The following LURAP1 variants were observed in gnomAD, a reference collection of about 807,000 sequenced individuals.
LURAP1 encodes the protein leucine rich adaptor protein 1, also known as NF-kappa-B activator C1orf190.
In LURAP1, 14 loss-of-function variants were observed where a neutral mutation model predicts 19.0. The ratio of observed to expected loss-of-function variants is 0.74; its 90% CI spans 0.49 to 1.15. LURAP1 has a LOEUF of 1.15. Ranked by LOEUF, LURAP1 falls within the 50% of genes most tolerant of loss-of-function variation. The pLI, the probability that LURAP1 is intolerant of heterozygous loss-of-function variation, is 0.00. For missense variants in LURAP1, 273 were observed against 309.1 expected, an observed-to-expected ratio of 0.88 and a Z score of 0.87; for synonymous variants, 129 against 131.8, an observed-to-expected ratio of 0.98 and a Z score of 0.14.
rs1329059487 is a variant in LURAP1, at chr1:46,219,416, G to A, written c.199-283G>A. Among the ~76,000 whole-genome samples, 5 of 152,084 alleles carry A rather than the reference G, an allele frequency of 3.3e-5. No individual in the cohort carries two copies. The East Asian group carries it at 9.6e-4, about 29-fold the overall frequency. Reference sequence around the variant, plus strand: ...TAGGCACTGTGCTGAGTACTTAATAGACAGCATTTCAGAATCCTCACAGCT... The same window carrying A: ...TAGGCACTGTGCTGAGTACTTAATAAACAGCATTTCAGAATCCTCACAGCT... On this transcript the variant is annotated intron_variant, in intron 1 of 1. Coordinates refer to ENST00000371980, the MANE Select transcript of LURAP1 (RefSeq NM_001013615.3).
In LURAP1 at chr1:46,220,478, A is replaced by G. The variant is rs1659205404; in HGVS notation, c.*258A>G. On this transcript the variant is annotated 3_prime_UTR_variant, in exon 2 of 2. Transcript: ENST00000371980. The stretch of plus-strand genomic sequence containing the variant: ...AGGGTCTTATGCTGTTACCCAAGAT[A>G]GAGAGCAGTGGCATGATCACAGCTC... The G allele has an allele frequency of 7.2e-6, 3 of 414,120 alleles. No homozygotes were observed. In the South Asian group the frequency reaches 1.1e-4, roughly 15 times the overall value. 25.7% of individuals were successfully genotyped at this position (414,120 alleles called of 1,614,324 possible). A position where few individuals can be genotyped will look rare whatever the true frequency, so the allele number is the denominator to read the frequency against.
intron 1 of LURAP1, among the ~76,000 whole-genome samples, chr1:46,207,608 G>A (rs978511422): frequency 1.3e-5 from 2 of 150,598 alleles, no homozygotes; most frequent in Admixed American, 6.6e-5. Context: ...GTGCGATCTC[G>A]GCTCACTGCA....
chr1:46,208,179 G>T (rs994802816), intron 1 of LURAP1, among the ~76,000 whole-genome samples: 4 of 151,974 alleles, frequency 2.6e-5, no homozygotes, highest in Non-Finnish European at 5.9e-5. Context: ...TTTTAATAGA[G>T]ACAGGGTCTT....
At chr1:46,214,454 GATA>G (rs1348954767) in intron 1 of LURAP1, among the ~76,000 whole-genome samples, 1 of 151,888 alleles carries the variant, frequency 6.6e-6, no homozygotes, top group Non-Finnish European at 1.5e-5. Context: ...AGAGATAAAA[GATA>G]ATACTGTAGC....
chr1:46,215,225 C>CAAA (rs35554687), intron 1 of LURAP1, among the ~76,000 whole-genome samples: 2 of 75,618 alleles, frequency 2.6e-5, no homozygotes, highest in Admixed American at 1.4e-4. Flanking sequence ...AACTCTGTCT[C>CAAA]AAAAAAAAAA....
Position 46,220,015 on chromosome 1 carries a change from C to A in LURAP1, c.515C>A (p.Ala172Glu). Residue 172 changes from alanine (A) to glutamate (E), a missense_variant, in exon 2 of 2, where the codon GCA (alanine) becomes GAA (glutamate). Ala to Glu is a moderately radical substitution (Grantham distance 107). Transcript: ENST00000371980. ...GCTCCACGTTCCGAGATGGACTGGG[C>A]AAAAGTTATAGCTGGTGGAGAGAGG... ...PGAPRSEMDW[A>E]KVIAGGERAR... 1.2e-6 allele frequency: 2 copies of A among 1,614,180 alleles called. No homozygotes were observed. The highest frequency in any genetic ancestry group is 2.2e-5 in the East Asian group (1 of 44,876).
chr1:46,209,252 G>C (rs768782702), intron 1 of LURAP1, among the ~76,000 whole-genome samples: 1 of 152,212 alleles, frequency 6.6e-6, no homozygotes, highest in Non-Finnish European at 1.5e-5. Context: ...TCGAACTCCC[G>C]AACTCAGGTG....
chr1:46,220,010 C>T lies in LURAP1; in HGVS notation c.510C>T (p.Asp170=). ...CTGGGGCTCCACGTTCCGAGATGGA[C>T]TGGGCAAAAGTTATAGCTGGTGGAG... ...GPPGAPRSEM[D]WAKVIAGGER... is the part of the protein sequence containing the mutation. The change falls in exon 2 of 2, where the codon GAC becomes GAT. Residue 170 remains aspartate, a synonymous_variant. Transcript: ENST00000371980. 6.2e-7 allele frequency: 1 copy of T among 1,614,196 alleles called. No homozygotes were observed. The highest frequency in any genetic ancestry group is 1.3e-5 in the African/African-American group (1 of 75,044).
At chr1:46,213,856 C>G (rs1389031304) in intron 1 of LURAP1, among the ~76,000 whole-genome samples, 1 of 149,150 alleles carries the variant, frequency 6.7e-6, no homozygotes, top group Non-Finnish European at 1.5e-5. Flanking sequence ...ATGATTAACT[C>G]AAGAAAAAAA....
At chr1:46,219,072 G>A (rs896271215) in intron 1 of LURAP1, among the ~76,000 whole-genome samples, 3 of 152,010 alleles carry the variant, frequency 2.0e-5, no homozygotes, top group African/African-American at 7.2e-5. Context: ...TGAGGTGGGC[G>A]GATCACCTAA....
Position 46,219,997 on chromosome 1 carries a change from G to T in LURAP1, c.497G>T (p.Arg166Leu). The stretch of plus-strand genomic sequence containing the variant: ...GAACAGGGCCCACCTGGGGCTCCAC[G>T]TTCCGAGATGGACTGGGCAAAAGTT... Reference protein sequence around the residue: ...LDEQGPPGAPRSEMDWAKVIA... With the variant: ...LDEQGPPGAPLSEMDWAKVIA... The change falls in exon 2 of 2, where the codon CGT (arginine) becomes CTT (leucine). Residue 166 changes from arginine (R) to leucine (L), a missense_variant. Coordinates refer to ENST00000371980, the MANE Select transcript of LURAP1 (RefSeq NM_001013615.3). 1 of 1,614,230 alleles carries T rather than the reference G, an allele frequency of 6.2e-7. No individual in the cohort carries two copies. Among genetic ancestry groups the T allele is most frequent in the Non-Finnish European group, 8.5e-7 (1 of 1,180,042 alleles).
rs753623156 is a variant in LURAP1, at chr1:46,203,650, G to A, written c.198+26G>A. 7 of 1,592,626 alleles carry A rather than the reference G, an allele frequency of 4.4e-6. No individual in the cohort carries two copies. In the South Asian group the frequency reaches 7.8e-5, roughly 18 times the overall value. ...GTGAGTGCTGAATCCATGGGCCAAG[G>A]GGACGAGTCCCTAGTGTAGGGCCGG... On this transcript the variant is annotated intron_variant, in intron 1 of 1. Transcript: ENST00000371980.
chr1:46,203,373 C>T lies in LURAP1; in HGVS notation c.-54C>T, dbSNP rs1432332004. On this transcript the variant is annotated 5_prime_UTR_variant, in exon 1 of 2. Coordinates refer to ENST00000371980, the MANE Select transcript of LURAP1 (RefSeq NM_001013615.3). ...TTAGCAGCGGCGAAGGGAGGACCCC[C>T]GGGAGCCGGTCCCCGGCGTCCGGTC... 1.4e-6 allele frequency: 2 copies of T among 1,424,904 alleles called. No individual in the cohort carries two copies. Among genetic ancestry groups the T allele is most frequent in the Non-Finnish European group, 1.8e-6 (2 of 1,081,960 alleles). The allele number at this position is 1,424,904 out of a possible 1,614,324, so 88.3% of individuals were successfully genotyped here. A position where few individuals can be genotyped will look rare whatever the true frequency, so the allele number is the denominator to read the frequency against.
intron 1 of LURAP1, among the ~76,000 whole-genome samples, chr1:46,219,278 A>G (rs529568894): frequency 1.3e-5 from 2 of 151,768 alleles, no homozygotes; most frequent in African/African-American, 4.8e-5. Flanking sequence ...CTGGACAACA[A>G]GAGCGAAACT....
chr1:46,219,307 A>T (rs1659159345), intron 1 of LURAP1, among the ~76,000 whole-genome samples: 1 of 152,126 alleles, frequency 6.6e-6, no homozygotes, highest in South Asian at 2.1e-4. Flanking sequence ...AAAAAAAAAA[A>T]AAAGAAGTAC....
At chr1:46,206,197 T>C (rs1658709262) in intron 1 of LURAP1, among the ~76,000 whole-genome samples, 1 of 152,268 alleles carries the variant, frequency 6.6e-6, no homozygotes, top group Admixed American at 6.5e-5. Context: ...GTCTTGGCTC[T>C]GCTTCTGAAA....
chr1:46,208,660 T>G (rs1262618863), intron 1 of LURAP1, among the ~76,000 whole-genome samples: 2 of 151,980 alleles, frequency 1.3e-5, no homozygotes, highest in African/African-American at 4.8e-5. Flanking sequence ...CTGACCAACA[T>G]GGTGAAACCC....
At chr1:46,214,461 C>T (rs1347705974) in intron 1 of LURAP1, among the ~76,000 whole-genome samples, 1 of 152,022 alleles carries the variant, frequency 6.6e-6, no homozygotes, top group East Asian at 1.9e-4. Context: ...AAAGATAATA[C>T]TGTAGCCATG....
chr1:46,210,565 C>T (rs1181703285), intron 1 of LURAP1, among the ~76,000 whole-genome samples: 1 of 152,162 alleles, frequency 6.6e-6, no homozygotes, highest in Non-Finnish European at 1.5e-5. Context: ...CTATGACCCC[C>T]TCCTTGGGTT....
Sources: gnomAD v4.1 joint callset for allele counts (sites outside exome capture counted in the v4.1 genomes callset) on GRCh38, gnomAD v4.1.1 for gene constraint, MANE v1.5 for transcripts, NCBI Gene and HGNC (gene_info 2026-07-23, HGNC 2026-07-21) for gene names.